Variants in GDAP1 observed in about 807,000 individuals in gnomAD.
GDAP1 encodes the protein ganglioside induced differentiation associated protein 1.
A neutral mutation model predicts 40.1 loss-of-function variants in GDAP1; 34 were observed. That is an observed-to-expected ratio of 0.85 (90% CI 0.64 to 1.13). The LOEUF (loss-of-function observed/expected upper bound fraction) is 1.13. Ranked by LOEUF, GDAP1 falls within the 50% of genes most tolerant of loss-of-function variation. The pLI is 0.00. For synonymous variants in GDAP1, 170 were observed against 157.4 expected, an observed-to-expected ratio of 1.08 and a Z score of -0.60; for missense variants, 374 against 433.7, an observed-to-expected ratio of 0.86 and a Z score of 1.22.
At chr8:74,390,553 G>A (rs1294164152) in intron 2 of GDAP1, among the ~76,000 whole-genome samples, 1 of 152,144 alleles carries the variant, frequency 6.6e-6, no homozygotes, top group Non-Finnish European at 1.5e-5. Flanking sequence ...TTTTGTAGAA[G>A]CTTCGTCCCA....
rs777308921 is a variant in GDAP1 at position 74,360,189 on chromosome 8, A to C, written c.363A>C (p.Val121=). 11 of 1,613,488 alleles carry C rather than the reference A, an allele frequency of 6.8e-6. No homozygotes were observed. The South Asian group carries it at 1.2e-4, about 18-fold the overall frequency. ...AAGAAAGCATGTATTACCCACGGGT[A>C]CAACATTACCGAGAGCTGCTTGACT... ...PDKESMYYPR[V]QHYRELLDSL... The change falls in exon 3 of 6, where the codon GTA becomes GTC. Residue 121 remains valine (V), a synonymous_variant. Transcript: ENST00000220822.
intron 2 of GDAP1, chr8:74,376,809 A>C (rs1360426354): frequency 6.6e-6 from 1 of 152,214 alleles, no homozygotes; most frequent in Admixed American, 6.5e-5. Context: ...AAGGAAGACA[A>C]GAAATCTATA....
chr8:74,425,149 C>G (rs1357660216), intron 2 of GDAP1, among the ~76,000 whole-genome samples: 1 of 152,170 alleles, frequency 6.6e-6, no homozygotes, highest in Non-Finnish European at 1.5e-5. Context: ...ATGACCTTGG[C>G]AATGCTGCAG....
chr8:74,433,068 C>CA (rs1257606668), intron 2 of GDAP1, among the ~76,000 whole-genome samples: 2 of 152,144 alleles, frequency 1.3e-5, no homozygotes, highest in African/African-American at 2.4e-5. Flanking sequence ...TCAGCTGTCC[C>CA]ATTTGTCTGC....
intron 2 of GDAP1, among the ~76,000 whole-genome samples, chr8:74,428,854 C>T: frequency 7.7e-6 from 1 of 130,280 alleles, no homozygotes. Flanking sequence ...CTAATGCTAT[C>T]CCTCCCCGCC....
chr8:74,383,938 G>A (rs1271035162), intron 2 of GDAP1, among the ~76,000 whole-genome samples: 1 of 151,882 alleles, frequency 6.6e-6, no homozygotes, highest in Non-Finnish European at 1.5e-5. Context: ...AAGTAAGATC[G>A]TTTAAGTCTC....
At chr8:74,439,004 A>G (rs1408838584) in intron 2 of GDAP1, among the ~76,000 whole-genome samples, 2 of 150,786 alleles carry the variant, frequency 1.3e-5, no homozygotes, top group Admixed American at 1.3e-4. Flanking sequence ...TTTGATTATG[A>G]CATACGTGTG....
chr8:74,467,723 A>T (rs895685225), intron 2 of GDAP1, among the ~76,000 whole-genome samples: 11 of 152,186 alleles, frequency 7.2e-5, no homozygotes, highest in Non-Finnish European at 1.5e-4. Context: ...GGTGTTAAAC[A>T]AGATAGTGGG....
rs987695973 is a variant in GDAP1, at chr8:74,407,230, G to A, written c.165+55909G>A. 2.0e-5 allele frequency among the ~76,000 whole-genome samples: 3 copies of A among 149,854 alleles called. 1 individual carries two copies. The highest frequency in any genetic ancestry group is 5.1e-5 in the African/African-American group (2 of 39,242). ...GAGGACTTCTTGAGACCAGGAGTTC[G>A]AGACCAGCCTGGACAATTTAATGAG... On this transcript the variant is annotated intron_variant, in intron 2 of 2. Transcript: ENST00000523640.
intron 2 of GDAP1, among the ~76,000 whole-genome samples, chr8:74,401,994 G>A (rs1477699442): frequency 6.7e-6 from 1 of 150,212 alleles, no homozygotes; most frequent in Non-Finnish European, 1.5e-5. Context: ...GCTGCTCAGG[G>A]GTCAGGGGTC....
chr8:74,403,395 A>G (rs910454190), intron 2 of GDAP1, among the ~76,000 whole-genome samples: 8 of 150,192 alleles, frequency 5.3e-5, no homozygotes, highest in Admixed American at 2.0e-4. Flanking sequence ...TTTTTTTTCT[A>G]TCCTGTCAGA....
Position 74,361,977 on chromosome 8 carries a change from A to G in GDAP1, c.578A>G (p.Lys193Arg). The G allele has an allele frequency of 6.5e-7, 1 of 1,545,816 alleles. No individual in the cohort carries two copies. Among genetic ancestry groups the G allele is most frequent in the Non-Finnish European group, 8.9e-7 (1 of 1,119,856 alleles). The change falls in exon 4 of 6, where the codon AAA becomes AGA. Residue 193 changes from lysine to arginine, a missense_variant and splice_region_variant. Lys to Arg is a conservative substitution (Grantham distance 26). Coordinates refer to ENST00000220822, the MANE Select transcript of GDAP1 (RefSeq NM_018972.4). ...EAYIAKQKRL[K>R]SKLLDHDNVK... is the part of the protein sequence containing the mutation. ...TACATTGCAAAACAGAAACGACTTA[A>G]AGTAAGCCAATCAGCTGTCCTCAGT... is the stretch of plus-strand genomic sequence containing the variant.
chr8:74,384,697 T>C (rs1432359038), intron 2 of GDAP1, among the ~76,000 whole-genome samples: 2 of 152,172 alleles, frequency 1.3e-5, no homozygotes, highest in African/African-American at 4.8e-5. Flanking sequence ...AAAAATTCAA[T>C]ATAACTTCAT....
chr8:74,440,487 C>A (rs1250873212), intron 2 of GDAP1, among the ~76,000 whole-genome samples: 1 of 151,994 alleles, frequency 6.6e-6, no homozygotes, highest in Non-Finnish European at 1.5e-5. Flanking sequence ...GTCCTAATTC[C>A]TCATTTTCTA....
In GDAP1 at chr8:74,380,603, C is replaced by G. The variant is rs540135983; in HGVS notation, c.165+29282C>G. ...TTTAGAGAGAGATTTAAAAGCAATT[C>G]TAAGGATAAAACATTTAGAATTCTT... On this transcript the variant is annotated intron_variant, in intron 2 of 2. Coordinates refer to the GDAP1 transcript ENST00000523640. 2.0e-5 allele frequency among the ~76,000 whole-genome samples: 3 copies of G among 151,084 alleles called. No individual in the cohort carries two copies. The East Asian group carries it at 5.9e-4, about 30-fold the overall frequency.
chr8:74,371,426 C>T (rs1039960980), downstream of GDAP1, among the ~76,000 whole-genome samples: 11 of 152,092 alleles, frequency 7.2e-5, no homozygotes, highest in South Asian at 1.0e-3. Context: ...TTTGGGAGGC[C>T]GAGGCGGGCG....
intron 2 of GDAP1, among the ~76,000 whole-genome samples, chr8:74,377,807 G>A (rs147646764): frequency 1.0e-3 from 159 of 152,274 alleles, no homozygotes; most frequent in Middle Eastern, 3.4e-3. Context: ...ATATCCACAT[G>A]TTTGTGCAGG....
intron 2 of GDAP1, among the ~76,000 whole-genome samples, chr8:74,359,530 A>G (rs1391465586): frequency 6.6e-6 from 1 of 152,224 alleles, no homozygotes; most frequent in Admixed American, 6.5e-5. Context: ...TGTTCCATAT[A>G]GATTGTCATT....
At chr8:74,426,505 A>G (rs141020605) in intron 2 of GDAP1, among the ~76,000 whole-genome samples, 3 of 152,332 alleles carry the variant, frequency 2.0e-5, no homozygotes, top group African/African-American at 7.2e-5. Context: ...AATATTTGCA[A>G]TTCTGTGTAT....
Sources: gnomAD v4.1 joint callset for allele counts (sites outside exome capture counted in the v4.1 genomes callset) on GRCh38, gnomAD v4.1.1 for gene constraint, MANE v1.5 for transcripts, NCBI Gene and HGNC (gene_info 2026-07-23, HGNC 2026-07-21) for gene names.